The following BRINP2 variants were observed in gnomAD, a reference collection of about 807,000 sequenced individuals.
BRINP2 encodes BMP/retinoic acid inducible neural specific 2, also known as BMP/retinoic acid-inducible neural-specific protein 2.
A neutral mutation model predicts 69.2 loss-of-function variants in BRINP2; 21 were observed. The observed-to-expected ratio is 0.30, with a 90% CI of 0.22 to 0.44. BRINP2 has a LOEUF of 0.44. Ranked by LOEUF, BRINP2 falls within the 20% of genes least tolerant of loss-of-function variation. BRINP2 has a pLI of 1.00. For missense variants in BRINP2, 877 were observed against 986.0 expected (o/e 0.89, Z 1.48); for synonymous variants, 380 against 394.1 (o/e 0.96, Z 0.42).
intron 2 of BRINP2, among the ~76,000 whole-genome samples, chr1:177,234,006 C>G (rs551336093): frequency 6.6e-6 from 1 of 152,318 alleles, no homozygotes; most frequent in Admixed American, 6.5e-5. Context: ...TGACCAACCT[C>G]TCAGCATGTC....
chr1:177,178,996 G>A (rs534976135), intron 1 of BRINP2, among the ~76,000 whole-genome samples: 1 of 152,286 alleles, frequency 6.6e-6, no homozygotes, highest in South Asian at 2.1e-4. Flanking sequence ...ATCCTATAAG[G>A]TAAGTAGGTT....
rs866700113 is a variant in BRINP2 at position 177,238,399 on chromosome 1, C to T, written c.269+8254C>T. On this transcript the variant is annotated intron_variant, in intron 2 of 7. Transcript: ENST00000361539. Reference sequence around the variant, plus strand: ...TGCCTTTGCCCCAAACTAAAGTCAGCTGGGTTTGTCCATCAGATTGGTTTG... The same window carrying T: ...TGCCTTTGCCCCAAACTAAAGTCAGTTGGGTTTGTCCATCAGATTGGTTTG... 1.3e-5 allele frequency among the ~76,000 whole-genome samples: 2 copies of T among 152,212 alleles called. 1 individual carries two copies. Among genetic ancestry groups the T allele is most frequent in the South Asian group, 4.1e-4 (2 of 4,828 alleles).
At chr1:177,278,406 GTTGA>G (rs1335905751) in intron 6 of BRINP2, among the ~76,000 whole-genome samples, 153 bp from the exon 7 acceptor site, 3 of 148,648 alleles carry the variant, frequency 2.0e-5, no homozygotes, top group Admixed American at 6.6e-5. Flanking sequence ...CAATAAAGGT[GTTGA>G]TTTTTTTAAA....
intron 2 of BRINP2, among the ~76,000 whole-genome samples, chr1:177,242,280 A>C (rs1650229731): frequency 6.6e-6 from 1 of 152,052 alleles, no homozygotes; most frequent in South Asian, 2.1e-4. Flanking sequence ...CTGTCCCCCA[A>C]AAATAAAACC....
At chr1:177,200,560 T>C (rs939814265) in intron 1 of BRINP2, among the ~76,000 whole-genome samples, 14 of 152,160 alleles carry the variant, frequency 9.2e-5, no homozygotes, top group African/African-American at 3.4e-4. Flanking sequence ...CTACCTGTAC[T>C]CATTCCTCCC....
chr1:177,276,185 A>G lies in BRINP2; in HGVS notation c.776-13A>G. On this transcript the variant is annotated splice_polypyrimidine_tract_variant and intron_variant, in intron 5 of 7. Transcript: ENST00000361539. ...GTTCTTCCCAGAGATTCCTTGACACATCCTTTCCCCAGGCCTTCAGGTGCT... is the reference window on the plus strand; with the variant it reads ...GTTCTTCCCAGAGATTCCTTGACACGTCCTTTCCCCAGGCCTTCAGGTGCT... 1 of 1,607,224 alleles carries G rather than the reference A, an allele frequency of 6.2e-7. No individual in the cohort carries two copies. The highest frequency in any genetic ancestry group is 2.2e-5 in the East Asian group (1 of 44,702).
At chr1:177,209,801 C>G (rs991209412) in intron 1 of BRINP2, among the ~76,000 whole-genome samples, 3 of 151,938 alleles carry the variant, frequency 2.0e-5, no homozygotes, top group African/African-American at 7.3e-5. Context: ...ATTCATAATA[C>G]CTTGTTCTAA....
chr1:177,175,846 C>A (rs750186275), intron 1 of BRINP2, among the ~76,000 whole-genome samples: 4 of 152,144 alleles, frequency 2.6e-5, no homozygotes, highest in Non-Finnish European at 4.4e-5. Flanking sequence ...GAGCATGACT[C>A]CTTTTCTCTT....
rs530727160 is a variant in BRINP2, at chr1:177,175,111, T to A, written c.-77+3379T>A. On this transcript the variant is annotated intron_variant, in intron 1 of 7. Transcript: ENST00000361539. ...CTCCACCCAAATGTTCCTCCTGGGG[T>A]TTTCTTAGAGCTGGCAAAATGCCAA... 2.0e-5 allele frequency among the ~76,000 whole-genome samples: 3 copies of A among 152,208 alleles called. No homozygotes were observed. In the South Asian group the frequency reaches 6.2e-4, roughly 32 times the overall value.
intron 1 of BRINP2, among the ~76,000 whole-genome samples, chr1:177,206,398 T>A (rs1457818255): frequency 6.6e-6 from 1 of 152,244 alleles, no homozygotes; most frequent in African/African-American, 2.4e-5. Flanking sequence ...TGTTAGTATA[T>A]TCTTTAGAAA....
At chr1:177,201,624 C>T (rs1293865641) in intron 1 of BRINP2, among the ~76,000 whole-genome samples, 5 of 152,184 alleles carry the variant, frequency 3.3e-5, no homozygotes, top group Non-Finnish European at 7.3e-5. Flanking sequence ...ATGAATGGAG[C>T]TCCCTGTGGT....
intron 1 of BRINP2, among the ~76,000 whole-genome samples, chr1:177,181,803 G>A (rs953621754): frequency 6.6e-6 from 1 of 152,188 alleles, no homozygotes; most frequent in Non-Finnish European, 1.5e-5. Flanking sequence ...TGAGCCGCGA[G>A]GGACCGCGGA....
At chr1:177,257,004 G>T in intron 3 of BRINP2, 172 bp from the exon 4 acceptor site, 1 of 1,518,184 alleles carries the variant, frequency 6.6e-7, no homozygotes, top group Non-Finnish European at 8.9e-7. Context: ...CTGGCCTGTG[G>T]CTCCCTCTGA....
chr1:177,175,701 T>G, intron 1 of BRINP2, among the ~76,000 whole-genome samples: 1 of 152,102 alleles, frequency 6.6e-6, no homozygotes, highest in East Asian at 1.9e-4. Flanking sequence ...AAGAACCCAG[T>G]CTGTTTGTTT....
rs138435872 is a variant in BRINP2, at chr1:177,230,077, C to T, written c.201C>T (p.Arg67=). ...TCACAGACCGGGGCCCCTTCCACCG[C>T]GCTCAGGAGTATGCTGACTTCATGG... ...WLLTDRGPFH[R]AQEYADFMER... is the part of the protein sequence containing the mutation. Residue 67 remains arginine, a synonymous_variant, in exon 2 of 8, where the codon CGC becomes CGT. Coordinates refer to ENST00000361539, the MANE Select transcript of BRINP2 (RefSeq NM_021165.4). 6.2e-6 allele frequency: 10 copies of T among 1,613,700 alleles called. No individual in the cohort carries two copies. Among genetic ancestry groups the T allele is most frequent in the East Asian group, 4.5e-5 (2 of 44,874 alleles).
rs1409292020 is a variant in BRINP2, at chr1:177,229,837, C to A, written c.-40C>A. On this transcript the variant is annotated 5_prime_UTR_variant, in exon 2 of 8. Coordinates refer to ENST00000361539, the MANE Select transcript of BRINP2 (RefSeq NM_021165.4). ...GGAGGAGCAGCACGGAGCGGGAGAGCGTGGCGAGAGAATGAAGAAACCAAT... is the reference window on the plus strand; with the variant it reads ...GGAGGAGCAGCACGGAGCGGGAGAGAGTGGCGAGAGAATGAAGAAACCAAT... 2 of 1,544,000 alleles carry A rather than the reference C, an allele frequency of 1.3e-6. No individual in the cohort carries two copies. Among genetic ancestry groups the A allele is most frequent in the African/African-American group, 1.4e-5 (1 of 73,384 alleles).
At chr1:177,246,285 G>C (rs1221851124) in intron 2 of BRINP2, among the ~76,000 whole-genome samples, 2 of 152,188 alleles carry the variant, frequency 1.3e-5, no homozygotes, top group Non-Finnish European at 2.9e-5. Context: ...TTGAACACAG[G>C]TCACAGACAA....
chr1:177,270,084 G>GT (rs1553275365), intron 4 of BRINP2, among the ~76,000 whole-genome samples: 1 of 138,510 alleles, frequency 7.2e-6, no homozygotes, highest in Non-Finnish European at 1.6e-5. Context: ...GCAAGGGGTG[G>GT]GGGGGGTGGT....
chr1:177,219,792 C>T (rs998891786), intron 1 of BRINP2, among the ~76,000 whole-genome samples: 1 of 152,196 alleles, frequency 6.6e-6, no homozygotes, highest in Non-Finnish European at 1.5e-5. Flanking sequence ...ATTTTTCAGC[C>T]TACATAGTTA....
Sources: allele counts gnomAD v4.1 joint callset (sites outside exome capture counted in the v4.1 genomes callset), GRCh38; gene constraint gnomAD v4.1.1; transcripts MANE v1.5; gene names NCBI Gene and HGNC (gene_info 2026-07-23, HGNC 2026-07-21).